HS6ST3: variants seen among roughly 807,000 people sequenced by gnomAD.
HS6ST3 encodes heparan sulfate 6-O-sulfotransferase 3, also known as heparan-sulfate 6-O-sulfotransferase 3.
In HS6ST3, 12 loss-of-function variants were observed where a neutral mutation model predicts 36.7. The ratio of observed to expected loss-of-function variants is 0.33; its 90% confidence interval spans 0.21 to 0.53. HS6ST3 has a LOEUF of 0.53. Ranked by LOEUF, HS6ST3 falls within the 20% of genes least tolerant of loss-of-function variation. The probability of loss-of-function intolerance (pLI) is 0.95; values close to 1 mark genes in which losing one functional copy is unlikely to be tolerated. For missense variants in HS6ST3, 584 were observed against 640.9 expected (o/e 0.91, Z 0.96); for synonymous variants, 240 against 257.5 (o/e 0.93, Z 0.65).
chr13:96,345,167 G>A (rs909786828), intron 1 of HS6ST3, among the ~76,000 whole-genome samples: 12 of 152,178 alleles, frequency 7.9e-5, no homozygotes, highest in Admixed American at 5.9e-4. Flanking sequence ...ATTGAATTAG[G>A]CAGGCTTCAG....
rs1417054312 is a variant in HS6ST3 at position 96,348,142 on chromosome 13, A to C, written c.707+256573A>C. On this transcript the variant is annotated intron_variant, in intron 1 of 1. Coordinates refer to ENST00000376705, the MANE Select transcript of HS6ST3 (RefSeq NM_153456.4). ...GAGGTACTTGCCCTAGCAAAGCTGC[A>C]TGGAAAGAAAGAAAGCTAAGACTTT... 2.6e-5 allele frequency among the ~76,000 whole-genome samples: 4 copies of C among 152,256 alleles called. No homozygotes were observed. The South Asian group carries it at 8.3e-4, about 31-fold the overall frequency.
chr13:96,817,322 G>T (rs964038973), intron 1 of HS6ST3, among the ~76,000 whole-genome samples: 1 of 152,158 alleles, frequency 6.6e-6, no homozygotes, highest in Non-Finnish European at 1.5e-5. Flanking sequence ...TAGAGTGGAC[G>T]CAGGAAATCA....
intron 1 of HS6ST3, among the ~76,000 whole-genome samples, chr13:96,105,000 T>C (rs1194348794): frequency 1.4e-5 from 2 of 147,890 alleles, no homozygotes; most frequent in Non-Finnish European, 3.0e-5. Context: ...CACAATAATG[T>C]ACAGGGCAAA....
intron 1 of HS6ST3, among the ~76,000 whole-genome samples, chr13:96,163,862 A>G (rs1338759018): frequency 1.3e-5 from 2 of 152,204 alleles, no homozygotes; most frequent in African/African-American, 4.8e-5. Context: ...TGCAGTTGCT[A>G]GCAGGGGTCT....
intron 1 of HS6ST3, among the ~76,000 whole-genome samples, chr13:96,168,111 G>A (rs1436413249): frequency 6.6e-6 from 1 of 152,074 alleles, no homozygotes; most frequent in East Asian, 1.9e-4. Flanking sequence ...AAATAATCTG[G>A]GCCTCTAGAC....
chr13:96,236,429 T>G (rs1253010674), intron 1 of HS6ST3, among the ~76,000 whole-genome samples: 4 of 152,128 alleles, frequency 2.6e-5, no homozygotes, highest in Admixed American at 6.5e-5. Flanking sequence ...CAATCACCTT[T>G]TCTGCTGTCC....
chr13:96,697,916 G>T (rs1247528807), intron 1 of HS6ST3, among the ~76,000 whole-genome samples: 1 of 152,098 alleles, frequency 6.6e-6, no homozygotes. Context: ...TTTTCTAGTG[G>T]TTAATGGTTA....
chr13:96,157,928 G>A (rs1453698572), intron 1 of HS6ST3, among the ~76,000 whole-genome samples: 1 of 152,184 alleles, frequency 6.6e-6, no homozygotes, highest in Admixed American at 6.5e-5. Flanking sequence ...TTCCTTCAAG[G>A]AACAATGAAG....
chr13:96,699,757 G>A (rs912709896), intron 1 of HS6ST3, among the ~76,000 whole-genome samples: 1 of 152,178 alleles, frequency 6.6e-6, no homozygotes, highest in African/African-American at 2.4e-5. Context: ...ATACCCAAAG[G>A]ATTATAAAAC....
chr13:96,815,311 T>C (rs1878397066), intron 1 of HS6ST3, among the ~76,000 whole-genome samples: 1 of 152,222 alleles, frequency 6.6e-6, no homozygotes, highest in African/African-American at 2.4e-5. Context: ...ATTTCCCCTC[T>C]TTATGAGGAC....
intron 1 of HS6ST3, among the ~76,000 whole-genome samples, chr13:96,350,972 A>C (rs1425332156): frequency 6.6e-6 from 1 of 152,214 alleles, no homozygotes; most frequent in East Asian, 1.9e-4. Flanking sequence ...TTAAAAGGAA[A>C]ATTATTTGGG....
At chr13:96,660,465 C>T (rs1433153261) in intron 1 of HS6ST3, among the ~76,000 whole-genome samples, 1 of 152,076 alleles carries the variant, frequency 6.6e-6, no homozygotes, top group African/African-American at 2.4e-5. Flanking sequence ...GGGAAAACTG[C>T]ATATCCATGT....
At chr13:96,392,052 C>G (rs542351118) in intron 1 of HS6ST3, among the ~76,000 whole-genome samples, 1 of 152,208 alleles carries the variant, frequency 6.6e-6, no homozygotes, top group Non-Finnish European at 1.5e-5. Context: ...GGCCCACTCT[C>G]TGCTGTAGCA....
intron 1 of HS6ST3, among the ~76,000 whole-genome samples, chr13:96,338,031 G>A (rs2055110652): frequency 6.6e-6 from 1 of 152,068 alleles, no homozygotes; most frequent in South Asian, 2.1e-4. Flanking sequence ...ATTTTTAGAT[G>A]TGATACTTTC....
At chr13:96,784,397 A>T (rs1877593039) in intron 1 of HS6ST3, among the ~76,000 whole-genome samples, 1 of 152,120 alleles carries the variant, frequency 6.6e-6, no homozygotes, top group Non-Finnish European at 1.5e-5. Flanking sequence ...CTTAGCTGAG[A>T]GGTAGAGAAC....
chr13:96,332,136 T>G (rs7139408), intron 1 of HS6ST3, among the ~76,000 whole-genome samples: 4 of 151,964 alleles, frequency 2.6e-5, no homozygotes, highest in African/African-American at 9.7e-5. Flanking sequence ...AGAAATCACC[T>G]GTCTTCTGTG....
At chr13:96,663,102 C>A (rs1352330204) in intron 1 of HS6ST3, among the ~76,000 whole-genome samples, 1 of 152,140 alleles carries the variant, frequency 6.6e-6, no homozygotes, top group Non-Finnish European at 1.5e-5. Flanking sequence ...GTGATGAGTA[C>A]AGGCACCAGC....
chr13:96,464,245 CT>C (rs2055801304), intron 1 of HS6ST3, among the ~76,000 whole-genome samples: 1 of 151,150 alleles, frequency 6.6e-6, no homozygotes, highest in African/African-American at 2.4e-5. Context: ...CCTTACCCCC[CT>C]ACCCAGTTCC....
chr13:96,330,354 A>T (rs1437021166), intron 1 of HS6ST3, among the ~76,000 whole-genome samples: 21 of 150,956 alleles, frequency 1.4e-4, no homozygotes, highest in African/African-American at 4.4e-4. Context: ...CGCTTCCTTC[A>T]GGAGCTCTTT....
Sources: gnomAD v4.1 joint callset for allele counts (sites outside exome capture counted in the v4.1 genomes callset) on GRCh38, gnomAD v4.1.1 for gene constraint, MANE v1.5 for transcripts, NCBI Gene and HGNC (gene_info 2026-07-23, HGNC 2026-07-21) for gene names.